Variants in MYCBP2 observed in about 807,000 individuals in gnomAD.
MYCBP2 encodes MYC binding protein 2, also known as E3 ubiquitin-protein ligase MYCBP2.
In MYCBP2, 120 loss-of-function variants were observed where a neutral mutation model predicts 525.3. The observed-to-expected ratio is 0.23, with a 90% confidence interval of 0.20 to 0.27. MYCBP2 has a LOEUF of 0.27. Among genes scored for constraint, MYCBP2 ranks in the 10% least tolerant of loss-of-function variants. MYCBP2 has a pLI of 1.00. For missense variants in MYCBP2, 4,149 were observed against 5,657.1 expected, an observed-to-expected ratio of 0.73 and a Z score of 8.55; for synonymous variants, 1,894 against 1,955.8, an observed-to-expected ratio of 0.97 and a Z score of 0.83.
intron 2 of MYCBP2, among the ~76,000 whole-genome samples, chr13:77,294,974 TC>T (rs2078016292): frequency 6.6e-6 from 1 of 152,074 alleles, no homozygotes; most frequent in Non-Finnish European, 1.5e-5. Flanking sequence ...AAACCGAAAA[TC>T]CTACCCAAGA....
rs1452667898 is a variant in MYCBP2, at chr13:77,081,818, A to T, written c.11193+19T>A. On this transcript the variant is annotated intron_variant, in intron 64 of 82. Coordinates refer to ENST00000544440, the MANE Select transcript of MYCBP2 (RefSeq NM_015057.5). This position sits in a 1 kb window ranked among gnomAD's most constrained non-coding sequence, Gnocchi z 4.6. The stretch of plus-strand genomic sequence containing the variant: ...TATTAACTAACAGGACAACCAGGAT[A>T]ATAACTGAAATGACTGACCTGACTC... 6.2e-7 allele frequency: 1 copy of T among 1,604,014 alleles called. No individual in the cohort carries two copies. Among genetic ancestry groups the T allele is most frequent in the Non-Finnish European group, 8.5e-7 (1 of 1,175,416 alleles).
At chr13:77,163,574 TG>T (rs2058195653) in intron 43 of MYCBP2, among the ~76,000 whole-genome samples, 1 of 152,182 alleles carries the variant, frequency 6.6e-6, no homozygotes, top group Non-Finnish European at 1.5e-5. Flanking sequence ...TTTACTCCCT[TG>T]ATTATAGATT....
chr13:77,126,279 T>A (rs1338792723), intron 53 of MYCBP2, 39 bp downstream of exon 53: 51 of 1,547,892 alleles, frequency 3.3e-5, no homozygotes, highest in Non-Finnish European at 4.4e-5. Context: ...ACATTAAAAA[T>A]GAGTATCTTA....
At chr13:77,086,801 AT>A (rs2044369570) in intron 62 of MYCBP2, among the ~76,000 whole-genome samples, 1 of 151,998 alleles carries the variant, frequency 6.6e-6, no homozygotes, top group African/African-American at 2.4e-5. Flanking sequence ...ATTCTCTTAT[AT>A]TTAGCCAATT....
At chr13:77,289,653 C>T (rs2077270392) in intron 2 of MYCBP2, among the ~76,000 whole-genome samples, 1 of 152,076 alleles carries the variant, frequency 6.6e-6, no homozygotes, top group Non-Finnish European at 1.5e-5. Flanking sequence ...TTGGTCTACT[C>T]TCAGCAACTC....
intron 82 of MYCBP2, among the ~76,000 whole-genome samples, chr13:77,050,357 A>G (rs1046717677): frequency 3.3e-5 from 5 of 152,060 alleles, no homozygotes; most frequent in African/African-American, 1.2e-4. Context: ...ATCTTATGTA[A>G]AATTCTCTCC....
At chr13:77,258,297 C>A (rs2072599873) in intron 13 of MYCBP2, among the ~76,000 whole-genome samples, 2 of 152,174 alleles carry the variant, frequency 1.3e-5, no homozygotes, top group Admixed American at 1.3e-4. Flanking sequence ...TCCTTTTCAA[C>A]CTACAATGCT....
At chr13:77,206,213 C>A (rs1192139403) in intron 24 of MYCBP2, among the ~76,000 whole-genome samples, 1 of 151,430 alleles carries the variant, frequency 6.6e-6, no homozygotes, top group East Asian at 1.9e-4. Flanking sequence ...AGTACTACAT[C>A]TCAAAGTAAT....
rs758710494 is a variant in MYCBP2, at chr13:77,288,155, G to A, written c.594+6C>T. On this transcript the variant is annotated splice_donor_region_variant and intron_variant, in intron 3 of 82. Coordinates refer to ENST00000544440, the MANE Select transcript of MYCBP2 (RefSeq NM_015057.5). ...ATCTAAATATTAATAGAACTCAGTG[G>A]CTTACCTTTGGAAGCTTGATAGGGG... 2 of 1,613,584 alleles carry A rather than the reference G, an allele frequency of 1.2e-6. No individual in the cohort carries two copies. Among genetic ancestry groups the A allele is most frequent in the Admixed American group, 1.7e-5 (1 of 59,976 alleles).
In MYCBP2 at chr13:77,261,229, T is replaced by C. The variant is rs747579226; in HGVS notation, c.1794A>G (p.Ala598=). The C allele has an allele frequency of 6.2e-7, 1 of 1,613,750 alleles. No individual in the cohort carries two copies. The highest frequency in any genetic ancestry group is 8.5e-7 in the Non-Finnish European group (1 of 1,179,738). The change falls in exon 12 of 83, where the codon GCA becomes GCG. Residue 598 remains alanine, a synonymous_variant. Transcript: ENST00000544440. The part of the protein sequence containing the change: ...GHDGSHALLV[A]EDGSIFFTGS... ...CTGTAAAGAATATGCTCCCATCTTC[T>C]GCAACTAAAAGGGCGTGAGAGCCAT...
chr13:77,056,099 G>GGGGTGTGTGTGTGTGT (rs536899192), intron 79 of MYCBP2, among the ~76,000 whole-genome samples: 2 of 120,594 alleles, frequency 1.7e-5, no homozygotes, highest in African/African-American at 6.6e-5. Flanking sequence ...CTCTGTGTTT[G>GGGGTGTGTGTGTGTGT]GTGTGTGTGT....
intron 20 of MYCBP2, among the ~76,000 whole-genome samples, chr13:77,220,576 A>G (rs963614966): frequency 1.3e-5 from 2 of 152,198 alleles, no homozygotes; most frequent in African/African-American, 4.8e-5. Flanking sequence ...GCTATATAGT[A>G]AATTCCAGTT....
intron 1 of MYCBP2, among the ~76,000 whole-genome samples, chr13:77,321,619 T>C (rs981499191): frequency 6.6e-6 from 1 of 152,228 alleles, no homozygotes; most frequent in Non-Finnish European, 1.5e-5. Flanking sequence ...GACACCTGCA[T>C]TCTAGCTCTA....
At chr13:77,322,386 T>A (rs1480847812) in intron 1 of MYCBP2, among the ~76,000 whole-genome samples, 1 of 152,228 alleles carries the variant, frequency 6.6e-6, no homozygotes, top group East Asian at 1.9e-4. Flanking sequence ...CTCCTCTTTA[T>A]CTTCCAGTCT....
chr13:77,326,470 G>A lies in MYCBP2; in HGVS notation c.302+4C>T. 2 of 1,550,020 alleles carry A rather than the reference G, an allele frequency of 1.3e-6. No homozygotes were observed. The highest frequency in any genetic ancestry group is 2.5e-5 in the East Asian group (1 of 39,330). On this transcript the variant is annotated splice_donor_region_variant and intron_variant, in intron 1 of 82. Coordinates refer to ENST00000544440, the MANE Select transcript of MYCBP2 (RefSeq NM_015057.5). This position sits in a 1 kb window ranked among gnomAD's most constrained non-coding sequence, Gnocchi z 4.2. Reference sequence around the variant, plus strand: ...GCGCAAGGAAGGGCACCCTGGGGACGCACCTGGAGGCTGGGTGTCCAGCGC... The same window carrying A: ...GCGCAAGGAAGGGCACCCTGGGGACACACCTGGAGGCTGGGTGTCCAGCGC...
chr13:77,325,095 C>T (rs762210174), intron 1 of MYCBP2, among the ~76,000 whole-genome samples: 2 of 152,162 alleles, frequency 1.3e-5, no homozygotes, highest in Non-Finnish European at 2.9e-5. Flanking sequence ...ATCCTGTAAA[C>T]AATCACAGAC....
At chr13:77,255,652 T>C (rs528317225) in intron 14 of MYCBP2, among the ~76,000 whole-genome samples, 67 of 151,906 alleles carry the variant, frequency 4.4e-4, no homozygotes, top group Non-Finnish European at 7.7e-4. Context: ...TCCATTTCTT[T>C]TCTTTCTTTT....
intron 2 of MYCBP2, among the ~76,000 whole-genome samples, chr13:77,295,576 A>G (rs1442692000): frequency 1.3e-5 from 2 of 152,228 alleles, no homozygotes; most frequent in South Asian, 2.1e-4. Flanking sequence ...CACTAACTTA[A>G]AAGTGTAGGA....
intron 15 of MYCBP2, among the ~76,000 whole-genome samples, chr13:77,247,674 T>C (rs951229801): frequency 6.6e-6 from 1 of 152,030 alleles, no homozygotes; most frequent in African/African-American, 2.4e-5. Flanking sequence ...TTACTACAAA[T>C]CTACAGTAAT....
Sources: allele counts gnomAD v4.1 joint callset (sites outside exome capture counted in the v4.1 genomes callset), GRCh38; gene constraint gnomAD v4.1.1; non-coding constraint Gnocchi (gnomAD v3.1); transcripts MANE v1.5; gene names NCBI Gene and HGNC (gene_info 2026-07-23, HGNC 2026-07-21).